The following TRIM64C variants were observed in gnomAD, a reference collection of about 807,000 sequenced individuals.
TRIM64C encodes tripartite motif-containing protein 64C.
TRIM64C carries 25 observed loss-of-function variants against 36.1 expected under a neutral mutation model. The observed-to-expected ratio is 0.69, with a 90% CI of 0.51 to 0.97. TRIM64C has a LOEUF of 0.97. TRIM64C is among the 50% of genes least tolerant of loss of function. TRIM64C has a pLI of 0.00. For synonymous variants in TRIM64C, 212 were observed against 185.7 expected, an observed-to-expected ratio of 1.14 and a Z score of -1.15; for missense variants, 489 against 536.8, an observed-to-expected ratio of 0.91 and a Z score of 0.88.
chr11:49,058,206 A>G (rs1235373795), intron 1 of TRIM64C, 34 bp from the exon 2 acceptor site: 11 of 1,334,110 alleles, frequency 8.2e-6, no homozygotes, highest in Non-Finnish European at 1.1e-5. Flanking sequence ...AGCAATGATG[A>G]AGACAGTAGA....
At chr11:49,057,855 G>A in intron 2 of TRIM64C, 1 of 519,534 alleles carries the variant, frequency 1.9e-6, no homozygotes, top group Non-Finnish European at 3.5e-6. Flanking sequence ...CTTCAAATTT[G>A]AACTAGAATA....
In TRIM64C at chr11:49,053,750, G is replaced by C; in HGVS notation, c.1317C>G (p.Ser439=). 6.5e-7 allele frequency: 1 copy of C among 1,549,738 alleles called. No individual in the cohort carries two copies. The highest frequency in any genetic ancestry group is 8.7e-7 in the Non-Finnish European group (1 of 1,146,618). Residue 439 remains serine (S), a synonymous_variant, in exon 6 of 6, where the codon TCC becomes TCG. Coordinates refer to ENST00000617704, the MANE Select transcript of TRIM64C (RefSeq NM_001206631.1). ...IYGFPPSSFS[S]PLRPFFCFGC... is the part of the protein sequence containing the mutation. Reference sequence around the variant, plus strand: ...CAAAGCAAAAGAAAGGCCTCAGAGGGGAAGAGAAGGAGGAAGGAGGAAAAC... The same window carrying C: ...CAAAGCAAAAGAAAGGCCTCAGAGGCGAAGAGAAGGAGGAAGGAGGAAAAC...
At chr11:49,054,952 T>C (rs4097526) in intron 5 of TRIM64C, among the ~76,000 whole-genome samples, 27,498 of 152,144 alleles carry the variant, frequency 0.18, 2,870 homozygotes, top group African/African-American at 0.28. Context: ...ATAGAAATAA[T>C]TAAAAACCAT....
At chr11:49,058,435 T>C (rs1390138620) in intron 1 of TRIM64C, among the ~76,000 whole-genome samples, 2 of 151,866 alleles carry the variant, frequency 1.3e-5, no homozygotes, top group Non-Finnish European at 2.9e-5. Context: ...TTGAAAAGTG[T>C]TCTTGGTGCT....
intron 2 of TRIM64C, 81 bp downstream of exon 2, chr11:49,057,997 G>A (rs988878157): frequency 5.5e-6 from 5 of 903,694 alleles, no homozygotes; most frequent in Non-Finnish European, 6.7e-6. Flanking sequence ...CTTTTAACTG[G>A]TAGTTTGAAT....
Position 49,056,390 on chromosome 11 carries a change from A to T in TRIM64C, c.739-9T>A. On this transcript the variant is annotated splice_polypyrimidine_tract_variant and intron_variant, in intron 3 of 5. Coordinates refer to ENST00000617704, the MANE Select transcript of TRIM64C (RefSeq NM_001206631.1). ...GATATATTTCCCACATCCTGCAAAA[A>T]AAATAAAATGTAATGTTAATTATGA... The T allele has an allele frequency of 6.5e-7, 1 of 1,539,116 alleles. No homozygotes were observed. The highest frequency in any genetic ancestry group is 1.2e-5 in the South Asian group (1 of 82,950).
At chr11:49,057,906 C>T in intron 2 of TRIM64C, 172 bp downstream of exon 2, 1 of 551,370 alleles carries the variant, frequency 1.8e-6, no homozygotes, top group South Asian at 2.0e-5. Context: ...ATTAATTTGG[C>T]TAGCTTGTGT....
intron 4 of TRIM64C, among the ~76,000 whole-genome samples, chr11:49,056,104 G>A (rs538980570): frequency 2.7e-5 from 4 of 149,064 alleles, no homozygotes; most frequent in African/African-American, 1.0e-4. Context: ...AGATCTCTGG[G>A]GTAGGGCTGG....
In TRIM64C at chr11:49,054,103, G is replaced by T. The variant is rs1422085970; in HGVS notation, c.964C>A (p.Pro322Thr). ...GDDHRSAPMD[P>T]QGVESFAVWC... Reference sequence around the variant, plus strand: ...ACAGCAAAGCTCTCCACTCCTTGGGGATCCATGGGTGCACTGCGATGGTCA... The same window carrying T: ...ACAGCAAAGCTCTCCACTCCTTGGGTATCCATGGGTGCACTGCGATGGTCA... Residue 322 changes from proline (P) to threonine (T), a missense_variant, in exon 6 of 6, where the codon CCC (proline) becomes ACC (threonine). Physicochemically the swap from Pro to Thr is conservative, Grantham distance 38 (BLOSUM62 -1). Coordinates refer to ENST00000617704, the MANE Select transcript of TRIM64C (RefSeq NM_001206631.1). 3 of 1,551,472 alleles carry T rather than the reference G, an allele frequency of 1.9e-6. No individual in the cohort carries two copies. Among genetic ancestry groups the T allele is most frequent in the African/African-American group, 2.7e-5 (2 of 73,018 alleles).
chr11:49,056,635 C>T (rs1005667299), intron 3 of TRIM64C, among the ~76,000 whole-genome samples: 1 of 151,868 alleles, frequency 6.6e-6, no homozygotes, highest in African/African-American at 2.4e-5. Context: ...TTTCCAGTCT[C>T]ATTAATTTCC....
chr11:49,056,335 GC>G (rs777117259), intron 4 of TRIM64C, 23 bp downstream of exon 4: 1 of 1,429,132 alleles, frequency 7.0e-7, no homozygotes, highest in East Asian at 2.6e-5. Flanking sequence ...TTCAGAAATA[GC>G]ATTTTTTTTA....
chr11:49,054,144 C>T lies in TRIM64C; in HGVS notation c.923G>A (p.Arg308His), dbSNP rs780127774. 1.9e-5 allele frequency: 30 copies of T among 1,551,552 alleles called. No homozygotes were observed. Among genetic ancestry groups the T allele is most frequent in the South Asian group, 7.1e-5 (6 of 84,048 alleles). The change falls in exon 6 of 6, where the codon CGT becomes CAT. Residue 308 changes from arginine to histidine, a missense_variant. Transcript: ENST00000617704. ...CYISLSEDVRRVIFGDDHRSA... is the reference protein window; with the variant it reads ...CYISLSEDVRHVIFGDDHRSA... The stretch of plus-strand genomic sequence containing the variant: ...GCGATGGTCATCTCCAAATATCACA[C>T]GTCTCACATCCTCAGAAAGGCTTAT...
Position 49,058,781 on chromosome 11 carries a change from C to A in TRIM64C, c.332G>T (p.Cys111Phe). ...LFCEADKRLL[C>F]GPCSESPEHM... ...CTCTGGTGACTCAGAGCAGGGCCCA[C>A]AGAGCAATCTCTTGTCAGCCTCACA... Residue 111 changes from cysteine (C) to phenylalanine (F), a missense_variant, in exon 1 of 6, where the codon TGT becomes TTT. By Grantham distance (205) the Cys-to-Phe change is radical. Coordinates refer to ENST00000617704, the MANE Select transcript of TRIM64C (RefSeq NM_001206631.1). 1 of 1,548,812 alleles carries A rather than the reference C, an allele frequency of 6.5e-7. No homozygotes were observed. Among genetic ancestry groups the A allele is most frequent in the Non-Finnish European group, 8.7e-7 (1 of 1,146,690 alleles).
At chr11:49,056,275 G>A (rs1854812676) in intron 4 of TRIM64C, 84 bp downstream of exon 4, 7 of 1,039,500 alleles carry the variant, frequency 6.7e-6, no homozygotes, top group Non-Finnish European at 1.0e-5. Flanking sequence ...TGAGAATGAT[G>A]TTAGTACTCA....
rs1314027470 is a variant in TRIM64C at position 49,053,795 on chromosome 11, A to C, written c.1272T>G (p.Ser424=). ...DNGSVSFFDV[S]KGSLIYGFPP... is the part of the protein sequence containing the mutation. ...GAAAACCATAGATAAGAGAACCTTT[A>C]GAAACATCAAAAAAACTCACAGATC... The change falls in exon 6 of 6, where the codon TCT becomes TCG. Residue 424 remains serine (S), a synonymous_variant. Coordinates refer to ENST00000617704, the MANE Select transcript of TRIM64C (RefSeq NM_001206631.1). 9 of 1,551,550 alleles carry C rather than the reference A, an allele frequency of 5.8e-6. No individual in the cohort carries two copies.
In TRIM64C at chr11:49,058,964, A is replaced by G. The variant is rs1217653227; in HGVS notation, c.149T>C (p.Met50Thr). The change falls in exon 1 of 6, where the codon ATG (methionine) becomes ACG (threonine). Residue 50 changes from methionine to threonine, a missense_variant. By Grantham distance (81) the Met-to-Thr change is moderately conservative. Transcript: ENST00000617704. ...CLCSEEGRAPMRCPLCRKISE... is the reference protein window; with the variant it reads ...CLCSEEGRAPTRCPLCRKISE... ...GATTTTTCTGCACAAAGGGCAGCGC[A>G]TTGGTGCTCTGCCTTCTTCTGAGCA... 6.4e-7 allele frequency: 1 copy of G among 1,551,266 alleles called. No individual in the cohort carries two copies.
chr11:49,056,288 A>G (rs1226719359), intron 4 of TRIM64C, 71 bp downstream of exon 4: 1 of 1,215,366 alleles, frequency 8.2e-7, no homozygotes, highest in Admixed American at 2.2e-5. Context: ...AGTACTCAAA[A>G]TGTATACATC....
At position 49,058,809 on chromosome 11, in the gene TRIM64C, A is replaced by G; in HGVS notation, c.304T>C (p.Phe102Leu). 6.5e-7 allele frequency: 1 copy of G among 1,549,184 alleles called. No individual in the cohort carries two copies. The highest frequency in any genetic ancestry group is 1.4e-5 in the African/African-American group (1 of 72,734). ...AGCAATCTCTTGTCAGCCTCACAGAAGAGCTCCTTAGTCTCCTCATGGAGC... is the reference window on the plus strand; with the variant it reads ...AGCAATCTCTTGTCAGCCTCACAGAGGAGCTCCTTAGTCTCCTCATGGAGC... ...CVLHEETKEL[F>L]CEADKRLLCG... Residue 102 changes from phenylalanine to leucine, a missense_variant, in exon 1 of 6, where the codon TTC (phenylalanine) becomes CTC (leucine). Coordinates refer to ENST00000617704, the MANE Select transcript of TRIM64C (RefSeq NM_001206631.1).
rs1259552938 is a variant in TRIM64C at position 49,055,376 on chromosome 11, G to T, written c.793C>A (p.Pro265Thr). 10 of 1,534,102 alleles carry T rather than the reference G, an allele frequency of 6.5e-6. No homozygotes were observed. Among genetic ancestry groups the T allele is most frequent in the African/African-American group, 1.4e-5 (1 of 72,246 alleles). Residue 265 changes from proline to threonine, a missense_variant, in exon 5 of 6, where the codon CCA becomes ACA. By Grantham distance (38) the Pro-to-Thr change is conservative. Transcript: ENST00000617704. Reference sequence around the variant, plus strand: ...CATGAAGTGAGCTCTGGGTTCACTGGCTGGGGCTTTGGCATCTGTGCCAAA... The same window carrying T: ...CATGAAGTGAGCTCTGGGTTCACTGTCTGGGGCTTTGGCATCTGTGCCAAA... The part of the protein sequence containing the change: ...TDLAQMPKPQ[P>T]VNPELTSWCI...
Sources: allele counts gnomAD v4.1 joint callset (sites outside exome capture counted in the v4.1 genomes callset), GRCh38; gene constraint gnomAD v4.1.1; transcripts MANE v1.5; gene names NCBI Gene and HGNC (gene_info 2026-07-23, HGNC 2026-07-21).